Variants in CFAP97 observed in about 807,000 individuals in gnomAD.
The protein encoded by CFAP97 is cilia- and flagella-associated protein 97.
In CFAP97, 36 loss-of-function variants were observed where a neutral mutation model predicts 43.1. The observed-to-expected ratio is 0.84, with a 90% CI of 0.64 to 1.10. The LOEUF (loss-of-function observed/expected upper bound fraction) is 1.10, where lower values mean the gene tolerates loss of function less well. Ranked by LOEUF, CFAP97 falls within the 50% of genes least tolerant of loss-of-function variation. CFAP97 has a pLI of 0.00. For synonymous variants in CFAP97, 228 were observed against 225.7 expected, an observed-to-expected ratio of 1.01 and a Z score of -0.09; for missense variants, 657 against 620.3, an observed-to-expected ratio of 1.06 and a Z score of -0.63.
At chr4:185,177,653 G>A (rs1287752469) in intron 2 of CFAP97, among the ~76,000 whole-genome samples, 1 of 152,010 alleles carries the variant, frequency 6.6e-6, no homozygotes, top group Non-Finnish European at 1.5e-5. Context: ...TGGCCAACAT[G>A]GCAAAACCCC....
At chr4:185,172,123 A>G (rs1376657401) in intron 3 of CFAP97, among the ~76,000 whole-genome samples, 1 of 152,200 alleles carries the variant, frequency 6.6e-6, no homozygotes, top group African/African-American at 2.4e-5. Flanking sequence ...TTAAATTATA[A>G]TGATAATTGA....
At chr4:185,164,277 T>TC in intron 3 of CFAP97, 98 bp from the exon 4 acceptor site, 9 of 1,244,128 alleles carry the variant, frequency 7.2e-6, no homozygotes, top group Admixed American at 2.5e-5. Context: ...TTCTTTCTTT[T>TC]TTTTTTTAAG....
At chr4:185,201,887 G>C (rs925477502) in intron 1 of CFAP97, among the ~76,000 whole-genome samples, 1 of 152,098 alleles carries the variant, frequency 6.6e-6, no homozygotes, top group Non-Finnish European at 1.5e-5. Context: ...TTTAAACACC[G>C]TATAGAAACT....
intron 2 of CFAP97, among the ~76,000 whole-genome samples, chr4:185,188,046 G>A (rs1736079539): frequency 6.6e-6 from 1 of 151,958 alleles, no homozygotes; most frequent in Non-Finnish European, 1.5e-5. Flanking sequence ...ATAGGCGCCT[G>A]CCACCACGCC....
intron 2 of CFAP97, among the ~76,000 whole-genome samples, chr4:185,183,068 C>T (rs890709986): frequency 2.0e-5 from 3 of 151,248 alleles, no homozygotes; most frequent in African/African-American, 7.3e-5. Flanking sequence ...CCACTGCATT[C>T]TAGCCTGGGT....
Position 185,192,755 on chromosome 4 carries a change from T to TG in CFAP97, c.-16-1544_-16-1543insC, listed in dbSNP as rs1293567294. Among the ~76,000 whole-genome samples the TG allele has an allele frequency of 5.7e-3, 786 of 136,850 alleles. 15 individuals are homozygous for TG. The highest frequency in any genetic ancestry group is 0.018 in the African/African-American group (644 of 35,084). The allele number at this position is 136,850 out of a possible 152,430, so 89.8% of individuals were successfully genotyped here. A position where few individuals can be genotyped will look rare whatever the true frequency, so the allele number is the denominator to read the frequency against. The stretch of plus-strand genomic sequence containing the variant: ...CTTCTTTTTTTTTTTTTTTTTTTTT[T>TG]TTTGAGACGGAGTCTCGCTCTGTCA... On this transcript the variant is annotated intron_variant, in intron 1 of 4. Coordinates refer to ENST00000458385, the MANE Select transcript of CFAP97 (RefSeq NM_020827.3).
At chr4:185,198,546 T>C (rs1431844663) in intron 1 of CFAP97, among the ~76,000 whole-genome samples, 1 of 151,062 alleles carries the variant, frequency 6.6e-6, no homozygotes, top group Non-Finnish European at 1.5e-5. Flanking sequence ...TCCCAGAACT[T>C]TGGGAGGCCG....
chr4:185,164,198 A>C lies in CFAP97; in HGVS notation c.1321-19T>G, dbSNP rs770719109. Reference sequence around the variant, plus strand: ...ATAAAGCCTTCAATAAAGACAATTAATTTGAAAGGCAAGGTTAAACAGCAA... The same window carrying C: ...ATAAAGCCTTCAATAAAGACAATTACTTTGAAAGGCAAGGTTAAACAGCAA... On this transcript the variant is annotated intron_variant, in intron 3 of 4. Transcript: ENST00000458385. 5.6e-6 allele frequency: 9 copies of C among 1,610,998 alleles called. No homozygotes were observed. The African/African-American group carries it at 1.2e-4, about 22-fold the overall frequency.
chr4:185,197,329 C>T (rs904136089), intron 1 of CFAP97, among the ~76,000 whole-genome samples: 38 of 151,956 alleles, frequency 2.5e-4, no homozygotes, highest in Non-Finnish European at 5.4e-4. Context: ...TAATATTACA[C>T]ATATGTATAT....
rs1737370554 is a variant in CFAP97, at chr4:185,209,442, G to GCGCCCTCTCCCCGTGGGGCC, written c.-211_-192dup. 1 of 152,240 alleles carries GCGCCCTCTCCCCGTGGGGCC rather than the reference G, an allele frequency of 6.6e-6. No individual in the cohort carries two copies. Among genetic ancestry groups the GCGCCCTCTCCCCGTGGGGCC allele is most frequent in the Non-Finnish European group, 1.5e-5 (1 of 68,066 alleles). 9.4% of individuals were successfully genotyped at this position (152,240 alleles called of 1,614,324 possible). A position where few individuals can be genotyped will look rare whatever the true frequency, so the allele number is the denominator to read the frequency against. ...AGAGAGGTGTGCACCGCGCTGGGTCGCGCCCTCTCCCCGTGGGGCCCCGGC... is the reference window on the plus strand; with the variant it reads ...AGAGAGGTGTGCACCGCGCTGGGTCGCGCCCTCTCCCCGTGGGGCCCGCCCTCTCCCCGTGGGGCCCCGGC... On this transcript the variant is annotated 5_prime_UTR_variant, in exon 1 of 3. Transcript: ENST00000503223. The surrounding 1 kb of genome is among the most constrained non-coding windows in gnomAD (Gnocchi z 5.2).
chr4:185,198,499 T>C (rs1348632287), intron 1 of CFAP97, among the ~76,000 whole-genome samples: 6 of 146,902 alleles, frequency 4.1e-5, no homozygotes, highest in Non-Finnish European at 9.0e-5. Context: ...CACATAAAAG[T>C]ACAAGGTAAG....
At position 185,190,561 on chromosome 4, in the gene CFAP97, A is replaced by G; in HGVS notation, c.636T>C (p.Ser212=). 6.2e-7 allele frequency: 1 copy of G among 1,613,914 alleles called. No homozygotes were observed. Among genetic ancestry groups the G allele is most frequent in the Non-Finnish European group, 8.5e-7 (1 of 1,179,830 alleles). ...PSSKSSKKHV[S]GITLLSPKHK... is the part of the protein sequence containing the mutation. Reference sequence around the variant, plus strand: ...GTTTTGGTGACAGGAGGGTTATACCAGATACATGTTTCTTAGATGACTTAG... The same window carrying G: ...GTTTTGGTGACAGGAGGGTTATACCGGATACATGTTTCTTAGATGACTTAG... Residue 212 remains serine (S), a synonymous_variant, in exon 2 of 5, where the codon TCT becomes TCC. Coordinates refer to ENST00000458385, the MANE Select transcript of CFAP97 (RefSeq NM_020827.3).
At chr4:185,170,603 T>A (rs1276337827) in intron 3 of CFAP97, among the ~76,000 whole-genome samples, 2 of 151,394 alleles carry the variant, frequency 1.3e-5, no homozygotes, top group African/African-American at 4.8e-5. Flanking sequence ...TTAGTAGAGA[T>A]GGGTTTCGCC....
At chr4:185,191,887 T>TA (rs1704172926) in intron 1 of CFAP97, among the ~76,000 whole-genome samples, 2 of 151,864 alleles carry the variant, frequency 1.3e-5, no homozygotes, top group South Asian at 2.1e-4. Context: ...TAAGTACAAT[T>TA]AGAGTTTAGA....
intron 3 of CFAP97, among the ~76,000 whole-genome samples, chr4:185,166,141 T>C (rs114837225): frequency 5.4e-4 from 83 of 152,318 alleles, no homozygotes; most frequent in African/African-American, 1.9e-3. Context: ...CAACTAGTAT[T>C]AGTGGTTCCC....
At chr4:185,200,301 G>C (rs1736763305) in intron 1 of CFAP97, among the ~76,000 whole-genome samples, 1 of 152,180 alleles carries the variant, frequency 6.6e-6, no homozygotes, top group Admixed American at 6.5e-5. Context: ...TTTTAGACCA[G>C]CCTGGACAAC....
intron 2 of CFAP97, among the ~76,000 whole-genome samples, chr4:185,183,479 T>C (rs1735883612): frequency 6.6e-6 from 1 of 152,218 alleles, no homozygotes; most frequent in African/African-American, 2.4e-5. Context: ...AGTGATAAAG[T>C]GTATTGAGAG....
At chr4:185,196,373 C>T (rs1736544396) in intron 1 of CFAP97, among the ~76,000 whole-genome samples, 1 of 151,536 alleles carries the variant, frequency 6.6e-6, no homozygotes, top group African/African-American at 2.4e-5. Flanking sequence ...ACTCGGGAGG[C>T]TGAGGCAGGA....
Position 185,190,746 on chromosome 4 carries a change from A to G in CFAP97, c.451T>C (p.Ser151Pro), listed in dbSNP as rs367622380. The change falls in exon 2 of 5, where the codon TCC becomes CCC. Residue 151 changes from serine (S) to proline (P), a missense_variant. By Grantham distance (74) the Ser-to-Pro change is moderately conservative. Coordinates refer to ENST00000458385, the MANE Select transcript of CFAP97 (RefSeq NM_020827.3). ...DGKKYHVKSK[S>P]AKPSTNVKKS... ...TTAACGTTAGTAGATGGTTTAGCGGACTTGGACTTCACATGGTATTTCTTC... is the reference window on the plus strand; with the variant it reads ...TTAACGTTAGTAGATGGTTTAGCGGGCTTGGACTTCACATGGTATTTCTTC... 2 of 1,589,752 alleles carry G rather than the reference A, an allele frequency of 1.3e-6. No homozygotes were observed. The highest frequency in any genetic ancestry group is 2.7e-5 in the African/African-American group (2 of 74,764).
Sources: gnomAD v4.1 joint callset for allele counts (sites outside exome capture counted in the v4.1 genomes callset) on GRCh38, gnomAD v4.1.1 for gene constraint, Gnocchi (gnomAD v3.1) non-coding constraint, MANE v1.5 for transcripts, NCBI Gene and HGNC (gene_info 2026-07-23, HGNC 2026-07-21) for gene names.